DCAF5: variants seen among roughly 807,000 people sequenced by gnomAD.
DCAF5 encodes DDB1 and CUL4 associated factor 5.
DCAF5 carries 9 observed loss-of-function variants against 80.7 expected under a neutral mutation model. That is an observed-to-expected ratio of 0.11 (90% CI 0.07 to 0.19). DCAF5 has a LOEUF of 0.19. Among genes scored for constraint, DCAF5 ranks in the 10% least tolerant of loss-of-function variants. DCAF5 has a pLI of 1.00. For missense variants in DCAF5, 842 were observed against 1,205.7 expected (o/e 0.70, Z 4.47); for synonymous variants, 433 against 461.9 (o/e 0.94, Z 0.80).
In DCAF5 at chr14:69,118,401, C is replaced by A; in HGVS notation, c.396-123G>T. 2.0e-6 allele frequency: 2 copies of A among 988,042 alleles called. No homozygotes were observed. The highest frequency in any genetic ancestry group is 2.8e-6 in the Non-Finnish European group (2 of 709,628). The allele number at this position is 988,042 out of a possible 1,614,324, so 61.2% of individuals were successfully genotyped here. Reference sequence around the variant, plus strand: ...CTAGAAGAAAGTCAACCTAGCTAAACCCAAAAAATATTATATTTCCTGAAA... The same window carrying A: ...CTAGAAGAAAGTCAACCTAGCTAAAACCAAAAAATATTATATTTCCTGAAA... On this transcript the variant is annotated intron_variant, in intron 3 of 8. Transcript: ENST00000341516. The surrounding 1 kb of genome is among the most constrained non-coding windows in gnomAD (Gnocchi z 4.0).
intron 8 of DCAF5, among the ~76,000 whole-genome samples, chr14:69,058,816 G>A (rs2038088291): frequency 6.6e-6 from 1 of 150,472 alleles, no homozygotes; most frequent in Non-Finnish European, 1.5e-5. Flanking sequence ...TGAGGCTGCA[G>A]TGAGCCATGA....
chr14:69,054,308 G>A lies in DCAF5; in HGVS notation c.2378C>T (p.Pro793Leu). 1 of 1,614,238 alleles carries A rather than the reference G, an allele frequency of 6.2e-7. No individual in the cohort carries two copies. Among genetic ancestry groups the A allele is most frequent in the Non-Finnish European group, 8.5e-7 (1 of 1,180,048 alleles). Residue 793 changes from proline (P) to leucine (L), a missense_variant, in exon 9 of 9, where the codon CCT becomes CTT. This residue lies in a region of DCAF5 where 607 missense variants were observed against 656.6 expected (regional missense o/e 0.92). Coordinates refer to ENST00000341516, the MANE Select transcript of DCAF5 (RefSeq NM_003861.3). ...AGATGCCTTGGGGACAGGAGGAGAAGGCGGCTCCTCAGCCCGACTGCTCAG... is the reference window on the plus strand; with the variant it reads ...AGATGCCTTGGGGACAGGAGGAGAAAGCGGCTCCTCAGCCCGACTGCTCAG... ...KALSSRAEEP[P>L]SPPVPKASGS... is the part of the protein sequence containing the mutation.
intron 6 of DCAF5, among the ~76,000 whole-genome samples, chr14:69,088,653 C>A (rs941724011): frequency 3.3e-5 from 5 of 152,200 alleles, no homozygotes; most frequent in Non-Finnish European, 7.3e-5. Context: ...CATCCATGTT[C>A]ATTCCTATTA....
intron 2 of DCAF5, among the ~76,000 whole-genome samples, chr14:69,120,230 T>C (rs2140065385): frequency 6.6e-6 from 1 of 152,204 alleles, no homozygotes; most frequent in African/African-American, 2.4e-5. Flanking sequence ...ACTACAGGCA[T>C]GTGTCACTAT....
intron 5 of DCAF5, among the ~76,000 whole-genome samples, chr14:69,112,530 C>T (rs1209413436): frequency 1.3e-5 from 2 of 150,492 alleles, no homozygotes; most frequent in South Asian, 4.2e-4. Context: ...GAGATCCTGT[C>T]TCTAAAAATA....
chr14:69,069,995 A>C (rs1371489018), intron 7 of DCAF5, among the ~76,000 whole-genome samples: 5 of 152,138 alleles, frequency 3.3e-5, no homozygotes, highest in Non-Finnish European at 5.9e-5. Flanking sequence ...CTAAGAAAGT[A>C]TTATTGTTGT....
intron 1 of DCAF5, among the ~76,000 whole-genome samples, chr14:69,125,444 C>A (rs1006811482): frequency 3.3e-5 from 5 of 152,156 alleles, no homozygotes; most frequent in African/African-American, 1.2e-4. Flanking sequence ...ACAAATAATT[C>A]TTAAAACTCC....
At chr14:69,102,931 C>T (rs547312538) in intron 5 of DCAF5, among the ~76,000 whole-genome samples, 3 of 152,248 alleles carry the variant, frequency 2.0e-5, no homozygotes, top group South Asian at 4.1e-4. Context: ...CACTTTTATA[C>T]GACTGGCAGC....
In DCAF5 at chr14:69,071,911, T is replaced by C. The variant is rs149193908; in HGVS notation, c.946+3434A>G. On this transcript the variant is annotated intron_variant, in intron 7 of 8. Transcript: ENST00000341516. Reference sequence around the variant, plus strand: ...ATAGTCCTGAAGCCATGTTGAAGAGTAGGGCTGAAAACAGGAGGAGTTAAA... The same window carrying C: ...ATAGTCCTGAAGCCATGTTGAAGAGCAGGGCTGAAAACAGGAGGAGTTAAA... 4.7e-3 allele frequency among the ~76,000 whole-genome samples: 711 copies of C among 152,134 alleles called. 2 individuals are homozygous for C. The highest frequency in any genetic ancestry group is 6.9e-3 in the Non-Finnish European group (472 of 67,984).
At position 69,118,992 on chromosome 14, in the gene DCAF5, T is replaced by C; in HGVS notation, c.395+202A>G. 1 of 558,538 alleles carries C rather than the reference T, an allele frequency of 1.8e-6. No individual in the cohort carries two copies. Among genetic ancestry groups the C allele is most frequent in the South Asian group, 2.8e-5 (1 of 35,678 alleles). The allele number at this position is 558,538 out of a possible 1,614,324, so 34.6% of individuals were successfully genotyped here. On this transcript the variant is annotated intron_variant, in intron 3 of 8. Coordinates refer to ENST00000341516, the MANE Select transcript of DCAF5 (RefSeq NM_003861.3). The surrounding 1 kb of genome is among the most constrained non-coding windows in gnomAD (Gnocchi z 4.0). Reference sequence around the variant, plus strand: ...AAAAAGTACACTCTCATACCAACTTTCAAAACTTTCAAATCCCTTTTTCCT... The same window carrying C: ...AAAAAGTACACTCTCATACCAACTTCCAAAACTTTCAAATCCCTTTTTCCT...
rs150429483 is a variant in DCAF5, at chr14:69,106,767, C to T, written c.665+9599G>A. Among the ~76,000 whole-genome samples, 332 of 152,298 alleles carry T rather than the reference C, an allele frequency of 2.2e-3. 3 individuals are homozygous for T. The highest frequency in any genetic ancestry group is 7.5e-3 in the African/African-American group (310 of 41,560). On this transcript the variant is annotated intron_variant, in intron 5 of 8. Transcript: ENST00000341516. ...TTAAAATAAGAAAGCTGGCTGGGCG[C>T]GGTGGCTCATGCCTGTAATTCCAGC...
At chr14:69,134,170 G>A (rs1182549303) in intron 1 of DCAF5, among the ~76,000 whole-genome samples, 2 of 152,148 alleles carry the variant, frequency 1.3e-5, no homozygotes, top group Non-Finnish European at 2.9e-5. Flanking sequence ...CCAGTTACAG[G>A]CAGAGTGGGA....
intron 5 of DCAF5, among the ~76,000 whole-genome samples, chr14:69,096,482 G>A (rs1384113435): frequency 6.6e-6 from 1 of 152,202 alleles, no homozygotes; most frequent in Non-Finnish European, 1.5e-5. Flanking sequence ...CTAAATTTCT[G>A]TAAAGAAATC....
intron 1 of DCAF5, among the ~76,000 whole-genome samples, chr14:69,128,113 T>G (rs2040929803): frequency 1.3e-5 from 2 of 152,060 alleles, no homozygotes; most frequent in Non-Finnish European, 2.9e-5. Flanking sequence ...GAGGGATAGA[T>G]GATTAATATG....
In DCAF5 at chr14:69,055,745, TAAAA is replaced by T; in HGVS notation, c.1075-138_1075-135del. The T allele has an allele frequency of 1.1e-6, 1 of 897,532 alleles. No individual in the cohort carries two copies. The highest frequency in any genetic ancestry group is 1.7e-6 in the Non-Finnish European group (1 of 596,882). 55.6% of individuals were successfully genotyped at this position (897,532 alleles called of 1,614,324 possible). A position where few individuals can be genotyped will look rare whatever the true frequency, so the allele number is the denominator to read the frequency against. Reference sequence around the variant, plus strand: ...TTTAACTAGGACTTGCTAACCAACTTAAAAATAAGTTCTTTACCAGACTGGATCA... The same window carrying T: ...TTTAACTAGGACTTGCTAACCAACTTATAAGTTCTTTACCAGACTGGATCA... On this transcript the variant is annotated intron_variant, in intron 8 of 8. Coordinates refer to ENST00000341516, the MANE Select transcript of DCAF5 (RefSeq NM_003861.3). This position sits in a 1 kb window ranked among gnomAD's most constrained non-coding sequence, Gnocchi z 5.6.
chr14:69,110,457 ACAGGGTTTCAC>A (rs1241624679), intron 5 of DCAF5, among the ~76,000 whole-genome samples: 3 of 151,804 alleles, frequency 2.0e-5, no homozygotes, highest in Non-Finnish European at 4.4e-5. Context: ...TTTAGTAGAG[ACAGGGTTTCAC>A]CATGTTGGCC....
intron 1 of DCAF5, among the ~76,000 whole-genome samples, chr14:69,149,923 C>A (rs569857144): frequency 6.6e-6 from 1 of 152,206 alleles, no homozygotes; most frequent in East Asian, 1.9e-4. Flanking sequence ...TAGTTTTAAA[C>A]GTGGGAAAAT....
At chr14:69,145,551 T>C (rs2066826004) in intron 1 of DCAF5, among the ~76,000 whole-genome samples, 1 of 151,822 alleles carries the variant, frequency 6.6e-6, no homozygotes. Context: ...TATAGCAACA[T>C]AAGAAAATCA....
intron 6 of DCAF5, among the ~76,000 whole-genome samples, chr14:69,079,266 A>G (rs2039013661): frequency 6.6e-6 from 1 of 152,188 alleles, no homozygotes; most frequent in African/African-American, 2.4e-5. Flanking sequence ...GCTGACTCAG[A>G]AGACTGCCTT....
Sources: gnomAD v4.1 joint callset for allele counts (sites outside exome capture counted in the v4.1 genomes callset) on GRCh38, gnomAD v4.1.1 for gene constraint, gnomAD v4.1.1 regional missense constraint, Gnocchi (gnomAD v3.1) non-coding constraint, MANE v1.5 for transcripts, NCBI Gene and HGNC (gene_info 2026-07-23, HGNC 2026-07-21) for gene names.